The following GXYLT1 variants were observed in gnomAD, a reference collection of about 807,000 sequenced individuals.
The protein encoded by GXYLT1 is glucoside xylosyltransferase 1, also known as glycosyltransferase 8 domain containing 3.
GXYLT1 carries 29 observed loss-of-function variants against 54.0 expected under a neutral mutation model. That is an observed-to-expected ratio of 0.54 (90% CI 0.40 to 0.73). GXYLT1 has a LOEUF of 0.73. GXYLT1 is among the 30% of genes least tolerant of loss of function. The pLI is 0.00. For synonymous variants in GXYLT1, 176 were observed against 204.1 expected, an observed-to-expected ratio of 0.86 and a Z score of 1.17; for missense variants, 490 against 553.4, an observed-to-expected ratio of 0.89 and a Z score of 1.15.
At chr12:42,093,482 G>GA (rs1345452334) in intron 7 of GXYLT1, among the ~76,000 whole-genome samples, 1 of 152,048 alleles carries the variant, frequency 6.6e-6, no homozygotes, top group Middle Eastern at 3.4e-3. Flanking sequence ...GGAAAACACT[G>GA]AAAAAAACAG....
At chr12:42,098,567 T>G (rs1338613495) in intron 5 of GXYLT1, among the ~76,000 whole-genome samples, 1 of 151,498 alleles carries the variant, frequency 6.6e-6, no homozygotes, top group Non-Finnish European at 1.5e-5. Flanking sequence ...AAAAACAATA[T>G]GATTGACAAA....
At chr12:42,139,139 T>G (rs2065637808) in intron 1 of GXYLT1, among the ~76,000 whole-genome samples, 1 of 151,782 alleles carries the variant, frequency 6.6e-6, no homozygotes, top group Non-Finnish European at 1.5e-5. Context: ...AAGGCTGCAG[T>G]GAGCCATGAT....
intron 3 of GXYLT1, among the ~76,000 whole-genome samples, chr12:42,116,404 A>C (rs1285058194): frequency 6.6e-6 from 1 of 152,184 alleles, no homozygotes; most frequent in Non-Finnish European, 1.5e-5. Flanking sequence ...TAATATCCAG[A>C]ATCTACAATT....
chr12:42,095,026 A>G (rs1458885758), intron 7 of GXYLT1, among the ~76,000 whole-genome samples: 1 of 152,192 alleles, frequency 6.6e-6, no homozygotes, highest in Non-Finnish European at 1.5e-5. Flanking sequence ...AAAAGATATA[A>G]AAATATTTCA....
Position 42,087,803 on chromosome 12 carries a change from A to C in GXYLT1, c.1306T>G (p.Ser436Ala), listed in dbSNP as rs766326332. Residue 436 changes from serine to alanine, a missense_variant, in exon 8 of 8, where the codon TCA (serine) becomes GCA (alanine). By Grantham distance (99) the Ser-to-Ala change is moderately conservative. This residue lies in a region of GXYLT1 where 342 missense variants were observed against 342.6 expected (regional missense o/e 1.00). Transcript: ENST00000398675. Reference sequence around the variant, plus strand: ...ACCAAGAATCACTTTTCCTTTGGTGATCTGGCATAACGATCTCTTACACTT... The same window carrying C: ...ACCAAGAATCACTTTTCCTTTGGTGCTCTGGCATAACGATCTCTTACACTT... ...AKSVRDRYAR[S>A]PKEK The C allele has an allele frequency of 1.0e-4, 165 of 1,601,448 alleles. No individual in the cohort carries two copies. The highest frequency in any genetic ancestry group is 1.4e-4 in the Non-Finnish European group (163 of 1,176,182).
chr12:42,114,423 C>G (rs934219648), intron 3 of GXYLT1, among the ~76,000 whole-genome samples: 1 of 152,052 alleles, frequency 6.6e-6, no homozygotes, highest in Non-Finnish European at 1.5e-5. Context: ...ATCAAATACA[C>G]GCAATAAAAC....
chr12:42,109,646 G>T lies in GXYLT1; in HGVS notation c.532C>A (p.Pro178Thr). The T allele has an allele frequency of 1.3e-6, 2 of 1,576,318 alleles. No individual in the cohort carries two copies. ...FLQTFNYTLY[P>T]ITFPSENAAE... is the part of the protein sequence containing the mutation. ...GCATTCTCACTTGGAAAGGTTATGG[G>T]GTATAACGTATAATTAAATGTTTGT... is the stretch of plus-strand genomic sequence containing the variant. The change falls in exon 4 of 8, where the codon CCC becomes ACC. Residue 178 changes from proline (P) to threonine (T), a missense_variant. By Grantham distance (38) the Pro-to-Thr change is conservative. Coordinates refer to ENST00000398675, the MANE Select transcript of GXYLT1 (RefSeq NM_173601.2).
intron 3 of GXYLT1, among the ~76,000 whole-genome samples, chr12:42,112,142 G>A (rs1487276220): frequency 6.6e-6 from 1 of 152,122 alleles, no homozygotes; most frequent in East Asian, 1.9e-4. Context: ...AAACCCCTCT[G>A]TACGTCACCA....
rs902912985 is a variant in GXYLT1 at position 42,091,825 on chromosome 12, T to C, written c.1162-3878A>G. On this transcript the variant is annotated intron_variant, in intron 7 of 7. Coordinates refer to ENST00000398675, the MANE Select transcript of GXYLT1 (RefSeq NM_173601.2). Reference sequence around the variant, plus strand: ...TTTAATTCCTTTTCATGGTAGATCATCACCTTAACATGGCATACCACCTCC... The same window carrying C: ...TTTAATTCCTTTTCATGGTAGATCACCACCTTAACATGGCATACCACCTCC... Among the ~76,000 whole-genome samples, 8 of 152,254 alleles carry C rather than the reference T, an allele frequency of 5.3e-5. No homozygotes were observed. The South Asian group carries it at 8.3e-4, about 16-fold the overall frequency.
intron 3 of GXYLT1, among the ~76,000 whole-genome samples, chr12:42,113,259 A>T (rs974427228): frequency 1.3e-4 from 20 of 151,250 alleles, no homozygotes; most frequent in Non-Finnish European, 1.9e-4. Flanking sequence ...TCGTAATGAC[A>T]GGATCAGACT....
intron 1 of GXYLT1, among the ~76,000 whole-genome samples, chr12:42,140,120 G>T (rs1043393883): frequency 7.3e-6 from 1 of 137,244 alleles, no homozygotes; most frequent in Non-Finnish European, 1.5e-5. Context: ...GGCGGAGCTT[G>T]CAGTGAGCTG....
At chr12:42,131,298 T>G (rs2065592714) in intron 1 of GXYLT1, among the ~76,000 whole-genome samples, 1 of 152,332 alleles carries the variant, frequency 6.6e-6, no homozygotes, top group Non-Finnish European at 1.5e-5. Flanking sequence ...TCTCTCATTA[T>G]GAATTCAATT....
At chr12:42,140,474 AG>A (rs2065645818) in intron 1 of GXYLT1, among the ~76,000 whole-genome samples, 1 of 152,218 alleles carries the variant, frequency 6.6e-6, no homozygotes, top group African/African-American at 2.4e-5. Flanking sequence ...GCACCATACT[AG>A]GTACTCTGTA....
intron 5 of GXYLT1, among the ~76,000 whole-genome samples, chr12:42,100,114 GAGCA>G (rs1168872684): frequency 2.0e-5 from 3 of 152,034 alleles, no homozygotes; most frequent in African/African-American, 4.8e-5. Context: ...ATACTTAAGG[GAGCA>G]AGAAACTGAG....
At chr12:42,098,867 G>A (rs938505439) in intron 5 of GXYLT1, among the ~76,000 whole-genome samples, 1 of 147,914 alleles carries the variant, frequency 6.8e-6, no homozygotes, top group African/African-American at 2.5e-5. Context: ...TTCTTTTGAG[G>A]GTCTTCCATT....
At chr12:42,113,139 C>A (rs1178757363) in intron 3 of GXYLT1, among the ~76,000 whole-genome samples, 1 of 151,022 alleles carries the variant, frequency 6.6e-6, no homozygotes, top group Admixed American at 6.6e-5. Context: ...AAGCACTAAA[C>A]ATGGAAAGGA....
intron 4 of GXYLT1, among the ~76,000 whole-genome samples, chr12:42,109,063 T>C (rs1592110134): frequency 6.6e-6 from 1 of 152,208 alleles, no homozygotes; most frequent in Non-Finnish European, 1.5e-5. Flanking sequence ...GAATAAATAG[T>C]TCCCATTTTC....
In GXYLT1 at chr12:42,135,986, A is replaced by G. The variant is rs147388103; in HGVS notation, c.222-6135T>C. Among the ~76,000 whole-genome samples, 46 of 152,374 alleles carry G rather than the reference A, an allele frequency of 3.0e-4. 1 individual carries two copies. The East Asian group carries it at 8.9e-3, about 29-fold the overall frequency. ...AGATGTTTTTCTTTCTTTACTGGAA[A>G]TATAAGAACACATGCACTAGTGAAT... On this transcript the variant is annotated intron_variant, in intron 1 of 7. Coordinates refer to ENST00000398675, the MANE Select transcript of GXYLT1 (RefSeq NM_173601.2).
rs775899678 is a variant in GXYLT1 at position 42,144,440 on chromosome 12, G to A, written c.207C>T (p.Pro69=). The change falls in exon 1 of 8, where the codon CCC becomes CCT. Residue 69 remains proline, a synonymous_variant. Coordinates refer to ENST00000398675, the MANE Select transcript of GXYLT1 (RefSeq NM_173601.2). ...ACTGCCCGTACCTGTCCGACACGCC[G>A]GGATGCGCTGCGGGGCCCGCGACGC... is the stretch of plus-strand genomic sequence containing the variant. ...GAGVAGPAAH[P]GVSDRCKDFS... is the part of the protein sequence containing the mutation. 2 of 1,323,194 alleles carry A rather than the reference G, an allele frequency of 1.5e-6. No homozygotes were observed. Among genetic ancestry groups the A allele is most frequent in the Non-Finnish European group, 9.6e-7 (1 of 1,043,106 alleles). The allele number at this position is 1,323,194 out of a possible 1,614,324, so 82.0% of individuals were successfully genotyped here. A position where few individuals can be genotyped will look rare whatever the true frequency, so the allele number is the denominator to read the frequency against.
Sources: gnomAD v4.1 joint callset for allele counts (sites outside exome capture counted in the v4.1 genomes callset) on GRCh38, gnomAD v4.1.1 for gene constraint, gnomAD v4.1.1 regional missense constraint, MANE v1.5 for transcripts, NCBI Gene and HGNC (gene_info 2026-07-23, HGNC 2026-07-21) for gene names.